The following NFKB1 variants were observed in gnomAD, a reference collection of about 807,000 sequenced individuals.
The protein encoded by NFKB1 is nuclear factor kappa B subunit 1.
Under a neutral mutation model 105.1 loss-of-function variants are expected in NFKB1, and 9 were observed. The observed-to-expected ratio is 0.09, with a 90% CI of 0.05 to 0.15. The LOEUF (loss-of-function observed/expected upper bound fraction) is 0.15, where lower values mean the gene tolerates loss of function less well. Ranked by LOEUF, NFKB1 falls within the 10% of genes least tolerant of loss-of-function variation. NFKB1 has a pLI of 1.00. For missense variants in NFKB1, 830 were observed against 1,203.7 expected, an observed-to-expected ratio of 0.69 and a Z score of 4.59; for synonymous variants, 440 against 442.2, an observed-to-expected ratio of 1.00 and a Z score of 0.06.
chr4:102,587,554 CGTTATCATAGTA>C (rs1374057530), intron 11 of NFKB1, among the ~76,000 whole-genome samples: 4 of 151,826 alleles, frequency 2.6e-5, no homozygotes, highest in Non-Finnish European at 5.9e-5. Context: ...TTTAATGCCT[CGTTATCATAGTA>C]GGAACTATCC....
intron 5 of NFKB1, among the ~76,000 whole-genome samples, chr4:102,555,409 C>T (rs7340881): frequency 0.18 from 27,739 of 152,114 alleles, 2,953 homozygotes; most frequent in Middle Eastern, 0.29. Flanking sequence ...TGCCTTTGTC[C>T]TCAGGAAACA....
At chr4:102,583,982 GTA>G (rs755944706) in intron 10 of NFKB1, among the ~76,000 whole-genome samples, 103 of 152,282 alleles carry the variant, frequency 6.8e-4, no homozygotes, top group Non-Finnish European at 1.2e-3. Context: ...CAAAGTGTGT[GTA>G]GAAATGATTC....
rs1183827374 is a variant in NFKB1 at position 102,533,848 on chromosome 4, A to G, written c.122A>G (p.Asp41Gly). ...FQPQMALPTA[D>G]GPYLQILEQP... ...TGTTTGTTGTTTTTGTTTTTAGCAG[A>G]TGGCCCATACCTTCAAATATTAGAG... is the stretch of plus-strand genomic sequence containing the variant. Residue 41 changes from aspartate (D) to glycine (G), a missense_variant, in exon 4 of 24, where the codon GAT (aspartate) becomes GGT (glycine). Transcript: ENST00000226574. The G allele has an allele frequency of 1.2e-6, 2 of 1,611,904 alleles. No individual in the cohort carries two copies. The highest frequency in any genetic ancestry group is 2.7e-5 in the African/African-American group (2 of 74,928).
chr4:102,593,562 G>A lies in NFKB1; in HGVS notation c.1204G>A (p.Gly402Ser), dbSNP rs773215129. 1.2e-6 allele frequency: 2 copies of A among 1,610,824 alleles called. No homozygotes were observed. Among genetic ancestry groups the A allele is most frequent in the Non-Finnish European group, 1.7e-6 (2 of 1,178,680 alleles). The stretch of plus-strand genomic sequence containing the variant: ...TGGAGGAGGGGGCACTGGAAGTACA[G>A]GTCCAGGTACAAAAATACTTATTCT... ...GGGGGGTGST[G>S]PGYSFPHYGF... The change falls in exon 12 of 24, where the codon GGT becomes AGT. Residue 402 changes from glycine (G) to serine (S), a missense_variant. By Grantham distance (56) the Gly-to-Ser change is moderately conservative. Transcript: ENST00000226574.
chr4:102,616,294 G>A (rs1055081250), intron 23 of NFKB1, 140 bp from the exon 24 acceptor site: 7 of 820,554 alleles, frequency 8.5e-6, no homozygotes, highest in East Asian at 4.9e-5. Context: ...CCACCACGGT[G>A]AGCAGTCATG....
At chr4:102,552,023 G>A (rs1056930584) in intron 5 of NFKB1, among the ~76,000 whole-genome samples, 2 of 152,132 alleles carry the variant, frequency 1.3e-5, no homozygotes, top group African/African-American at 2.4e-5. Context: ...ATGTGACTAC[G>A]AAACAAGTAA....
At chr4:102,607,442 T>A in intron 18 of NFKB1, 123 bp downstream of exon 18, 1 of 1,190,878 alleles carries the variant, frequency 8.4e-7, no homozygotes, top group African/African-American at 1.5e-5. Flanking sequence ...GTTTAACATT[T>A]ATGGAGGGCT....
chr4:102,580,869 T>G (rs923806588), intron 9 of NFKB1, among the ~76,000 whole-genome samples: 5 of 152,204 alleles, frequency 3.3e-5, no homozygotes, highest in African/African-American at 1.2e-4. Flanking sequence ...TAAAAAGAAA[T>G]AAGAAAACCG....
At chr4:102,505,417 A>G (rs748639730) in intron 1 of NFKB1, among the ~76,000 whole-genome samples, 1 of 152,260 alleles carries the variant, frequency 6.6e-6, no homozygotes, top group African/African-American at 2.4e-5. Context: ...AGAATTAATT[A>G]TCAGTAATAC....
Position 102,612,499 on chromosome 4 carries a change from C to T in NFKB1, c.2485C>T (p.Pro829Ser). Reference protein sequence around the residue: ...QLYKLLEIPDPDKNWATLAQK... With the variant: ...QLYKLLEIPDSDKNWATLAQK... ...GTATAAGTTACTAGAAATTCCTGATCCAGACAAAAACTGGGCTACTCTGGC... is the reference window on the plus strand; with the variant it reads ...GTATAAGTTACTAGAAATTCCTGATTCAGACAAAAACTGGGCTACTCTGGC... The change falls in exon 22 of 24, where the codon CCA (proline) becomes TCA (serine). Residue 829 changes from proline (P) to serine (S), a missense_variant. Pro to Ser is a moderately conservative substitution (Grantham distance 74, BLOSUM62 -1). Transcript: ENST00000226574. The T allele has an allele frequency of 6.2e-7, 1 of 1,613,908 alleles. No homozygotes were observed. The highest frequency in any genetic ancestry group is 8.5e-7 in the Non-Finnish European group (1 of 1,179,990).
rs190218693 is a variant in NFKB1, at chr4:102,558,291, A to G, written c.259-8696A>G. Among the ~76,000 whole-genome samples, 279 of 152,212 alleles carry G rather than the reference A, an allele frequency of 1.8e-3. 2 individuals are homozygous for G. Among genetic ancestry groups the G allele is most frequent in the African/African-American group, 6.6e-3 (274 of 41,512 alleles). ...CCACTTATAAGTGAGAATATGCAGT[A>G]TCTGTAATAATGGGTTTTCTGTTCT... On this transcript the variant is annotated intron_variant, in intron 5 of 23. Coordinates refer to ENST00000226574, the MANE Select transcript of NFKB1 (RefSeq NM_003998.4).
At chr4:102,508,141 G>A (rs1362948733) in intron 1 of NFKB1, among the ~76,000 whole-genome samples, 2 of 152,104 alleles carry the variant, frequency 1.3e-5, no homozygotes, top group Non-Finnish European at 2.9e-5. Flanking sequence ...TTAAGTATAG[G>A]CTTATTTTGT....
intron 6 of NFKB1, among the ~76,000 whole-genome samples, chr4:102,576,324 T>C (rs1724816770): frequency 6.6e-6 from 1 of 152,192 alleles, no homozygotes; most frequent in Non-Finnish European, 1.5e-5. Context: ...CCAAATATAA[T>C]ATTCTTCTTA....
At chr4:102,600,844 T>G (rs1578816389) in intron 15 of NFKB1, 51 bp from the exon 16 acceptor site, 1 of 1,071,924 alleles carries the variant, frequency 9.3e-7, no homozygotes, top group East Asian at 2.4e-5. Flanking sequence ...GGGAATCTTT[T>G]CTTTTTCATT....
chr4:102,512,980 AC>A (rs1739881722), intron 1 of NFKB1, among the ~76,000 whole-genome samples: 1 of 152,110 alleles, frequency 6.6e-6, no homozygotes, highest in African/African-American at 2.4e-5. Flanking sequence ...ACAAAAGAAT[AC>A]TAATCTCTAA....
chr4:102,565,580 A>C (rs1007300022), intron 5 of NFKB1, among the ~76,000 whole-genome samples: 41 of 152,164 alleles, frequency 2.7e-4, no homozygotes, highest in African/African-American at 8.9e-4. Flanking sequence ...GTCTCTTTCC[A>C]AGTATTATTG....
intron 1 of NFKB1, among the ~76,000 whole-genome samples, chr4:102,513,902 G>T (rs182710040): frequency 2.0e-5 from 3 of 152,118 alleles, no homozygotes; most frequent in Non-Finnish European, 4.4e-5. Flanking sequence ...GGCCGGGCGC[G>T]GTGGCTCACG....
intron 1 of NFKB1, among the ~76,000 whole-genome samples, chr4:102,515,331 C>T (rs986993485): frequency 2.6e-5 from 4 of 151,074 alleles, no homozygotes; most frequent in Admixed American, 6.6e-5. Context: ...GGGATGGTCT[C>T]GATCTCCTGA....
chr4:102,553,498 A>G (rs1029593223), intron 5 of NFKB1, among the ~76,000 whole-genome samples: 2 of 152,130 alleles, frequency 1.3e-5, no homozygotes, highest in African/African-American at 2.4e-5. Context: ...AATAATTTCT[A>G]TTTTCAATGA....
Sources: allele counts gnomAD v4.1 joint callset (sites outside exome capture counted in the v4.1 genomes callset), GRCh38; gene constraint gnomAD v4.1.1; transcripts MANE v1.5; gene names NCBI Gene and HGNC (gene_info 2026-07-23, HGNC 2026-07-21).